COBL: variants seen among roughly 807,000 people sequenced by gnomAD.
COBL encodes cordon-bleu WH2 repeat protein.
In COBL, 51 loss-of-function variants were observed where a neutral mutation model predicts 98.8. The ratio of observed to expected loss-of-function variants is 0.52; its 90% confidence interval spans 0.41 to 0.65. COBL has a LOEUF of 0.65. Among genes scored for constraint, COBL ranks in the 30% least tolerant of loss-of-function variants. The pLI is 0.00. For synonymous variants in COBL, 634 were observed against 651.7 expected (o/e 0.97, Z 0.41); for missense variants, 1,617 against 1,617.5 (o/e 1.00, Z 0.01).
chr7:51,189,679 T>A (rs549099158), intron 4 of COBL, among the ~76,000 whole-genome samples: 336 of 150,376 alleles, frequency 2.2e-3, no homozygotes, highest in Non-Finnish European at 3.9e-3. Flanking sequence ...TTGGAAAAAA[T>A]TAGAAAAAAA....
chr7:51,302,196 G>A (rs1395334924), intron 1 of COBL, among the ~76,000 whole-genome samples: 1 of 152,208 alleles, frequency 6.6e-6, no homozygotes, highest in Non-Finnish European at 1.5e-5. Flanking sequence ...CATAAATAAA[G>A]CAATGATGCC....
At chr7:51,069,963 G>A (rs192421699) in intron 7 of COBL, among the ~76,000 whole-genome samples, 4 of 152,214 alleles carry the variant, frequency 2.6e-5, no homozygotes, top group African/African-American at 9.6e-5. Context: ...TCTCTTTTGG[G>A]GGGGTTTCTT....
intron 7 of COBL, among the ~76,000 whole-genome samples, chr7:51,082,763 C>T (rs1423298442): frequency 2.0e-5 from 3 of 152,212 alleles, no homozygotes; most frequent in Non-Finnish European, 4.4e-5. Context: ...TACAGACACT[C>T]TGAGGTTCAT....
chr7:51,169,498 C>T (rs886207190), intron 5 of COBL, among the ~76,000 whole-genome samples: 6 of 152,166 alleles, frequency 3.9e-5, no homozygotes, highest in Non-Finnish European at 5.9e-5. Flanking sequence ...CCAATATACA[C>T]AATGGAGTGC....
At chr7:51,063,028 G>A (rs1471623533) in intron 7 of COBL, among the ~76,000 whole-genome samples, 5 of 152,156 alleles carry the variant, frequency 3.3e-5, no homozygotes, top group Non-Finnish European at 7.3e-5. Context: ...TCAGCACTCT[G>A]TCAAAGGCAA....
chr7:51,148,766 G>A (rs368181187), intron 5 of COBL, among the ~76,000 whole-genome samples: 2 of 152,154 alleles, frequency 1.3e-5, no homozygotes, highest in African/African-American at 4.8e-5. Context: ...CCAAGGTGTG[G>A]GAAGGGAGGT....
chr7:51,040,192 TAA>T (rs34239803), intron 8 of COBL, among the ~76,000 whole-genome samples: 19,565 of 139,116 alleles, frequency 0.14, 1,503 homozygotes, highest in South Asian at 0.23. Flanking sequence ...TAATTTCTGT[TAA>T]AAAAAAAAAA....
At chr7:51,295,861 T>A (rs1038987001) in intron 1 of COBL, among the ~76,000 whole-genome samples, 1 of 152,232 alleles carries the variant, frequency 6.6e-6, no homozygotes, top group Non-Finnish European at 1.5e-5. Context: ...AATGAAAATT[T>A]AAAAACCCTC....
intron 5 of COBL, among the ~76,000 whole-genome samples, chr7:51,149,427 T>C (rs1785351540): frequency 6.6e-6 from 1 of 152,142 alleles, no homozygotes; most frequent in Non-Finnish European, 1.5e-5. Context: ...CATCCCTACT[T>C]TGTCTACAAT....
chr7:51,117,939 G>C (rs1018168223), intron 6 of COBL, among the ~76,000 whole-genome samples: 4 of 152,180 alleles, frequency 2.6e-5, no homozygotes, highest in African/African-American at 9.7e-5. Flanking sequence ...CAGCTCTTTA[G>C]TTCTTAGCCA....
At chr7:51,095,619 G>A (rs1449195305) in intron 6 of COBL, among the ~76,000 whole-genome samples, 2 of 151,980 alleles carry the variant, frequency 1.3e-5, no homozygotes, top group South Asian at 2.1e-4. Flanking sequence ...TAAAAAACAA[G>A]ATCCAACTAT....
chr7:51,177,453 AG>A (rs1461804724), intron 5 of COBL, among the ~76,000 whole-genome samples: 1 of 152,172 alleles, frequency 6.6e-6, no homozygotes, highest in Non-Finnish European at 1.5e-5. Flanking sequence ...AAAGAGCACA[AG>A]AAAAGTAAAA....
chr7:51,314,312 C>T (rs1189940504), intron 1 of COBL, among the ~76,000 whole-genome samples: 3 of 152,144 alleles, frequency 2.0e-5, no homozygotes, highest in Admixed American at 6.6e-5. Context: ...AAGACAGAGG[C>T]TTACTGAAAG....
chr7:51,092,354 G>A (rs1032990017), intron 6 of COBL, among the ~76,000 whole-genome samples: 21 of 152,286 alleles, frequency 1.4e-4, no homozygotes, highest in East Asian at 3.9e-4. Context: ...AATCAATGCC[G>A]AGGCCAATGT....
intron 6 of COBL, among the ~76,000 whole-genome samples, chr7:51,095,738 C>G (rs542882605): frequency 5.3e-5 from 8 of 151,964 alleles, no homozygotes; most frequent in Non-Finnish European, 1.0e-4. Context: ...GTGAATATGG[C>G]CATAATTACA....
chr7:51,120,294 C>T (rs989315175), intron 6 of COBL, among the ~76,000 whole-genome samples: 1 of 151,926 alleles, frequency 6.6e-6, no homozygotes, highest in Non-Finnish European at 1.5e-5. Context: ...AATAAATTTA[C>T]CCACTAAAAA....
intron 5 of COBL, among the ~76,000 whole-genome samples, chr7:51,166,350 C>A (rs1230190822): frequency 2.6e-5 from 4 of 151,906 alleles, no homozygotes; most frequent in Non-Finnish European, 5.9e-5. Context: ...ATTGAAAAAT[C>A]TAGAAGAAAA....
rs79255691 is a variant in COBL, at chr7:51,182,136, G to A, written c.783+1966C>T. ...GAGGAATGAGGAATGAGGAATGGTG[G>A]ATTTTACTGTGAACTGGTGTCCTCA... On this transcript the variant is annotated intron_variant, in intron 5 of 12. Transcript: ENST00000265136. 8.2e-3 allele frequency among the ~76,000 whole-genome samples: 1,251 copies of A among 152,210 alleles called. 66 individuals carry two copies. In the South Asian group the frequency reaches 0.14, roughly 17 times the overall value.
At chr7:51,108,712 G>GCAGGAGCCAGCTCTCAGA (rs1441902842) in intron 6 of COBL, among the ~76,000 whole-genome samples, 4 of 152,066 alleles carry the variant, frequency 2.6e-5, no homozygotes, top group African/African-American at 4.8e-5. Context: ...GAGGTCCCAG[G>GCAGGAGCCAGCTCTCAGA]CAGGAGCCAG....
Sources: gnomAD v4.1 joint callset for allele counts (sites outside exome capture counted in the v4.1 genomes callset) on GRCh38, gnomAD v4.1.1 for gene constraint, MANE v1.5 for transcripts, NCBI Gene and HGNC (gene_info 2026-07-23, HGNC 2026-07-21) for gene names.